The following FMN1 variants were observed in gnomAD, a reference collection of about 807,000 sequenced individuals.
FMN1 encodes the protein formin-1.
In FMN1, 110 loss-of-function variants were observed where a neutral mutation model predicts 132.4. The observed-to-expected ratio is 0.83, with a 90% CI of 0.71 to 0.97. The LOEUF is 0.97. FMN1 is among the 50% of genes least tolerant of loss of function. The probability of loss-of-function intolerance (pLI) is 0.00; values close to 1 mark genes in which losing one functional copy is unlikely to be tolerated. For synonymous variants in FMN1, 722 were observed against 651.7 expected (o/e 1.11, Z -1.64); for missense variants, 1,792 against 1,705.3 (o/e 1.05, Z -0.90).
intron 6 of FMN1, among the ~76,000 whole-genome samples, chr15:33,022,486 T>C (rs1271106946): frequency 1.3e-5 from 2 of 152,226 alleles, no homozygotes; most frequent in Non-Finnish European, 2.9e-5. Context: ...CAATCTGATG[T>C]TACTAAAAAA....
chr15:32,804,270 G>A lies in FMN1; in HGVS notation c.3980+11C>T. 1.9e-6 allele frequency: 3 copies of A among 1,559,558 alleles called. No homozygotes were observed. Among genetic ancestry groups the A allele is most frequent in the Non-Finnish European group, 2.6e-6 (3 of 1,149,214 alleles). On this transcript the variant is annotated intron_variant, in intron 18 of 20. Transcript: ENST00000616417. ...CAAAGAAAGAACTGGGGCCAAATCA[G>A]AGCTGCTTACCTTTTCTGTGCATTC...
intron 10 of FMN1, among the ~76,000 whole-genome samples, chr15:32,913,858 C>A (rs553262638): frequency 5.2e-4 from 79 of 152,240 alleles, no homozygotes; most frequent in African/African-American, 1.9e-3. Flanking sequence ...TACCATACGA[C>A]TCCTGAAGAC....
intron 4 of FMN1, among the ~76,000 whole-genome samples, chr15:33,118,588 G>A (rs749245104): frequency 1.3e-5 from 2 of 152,184 alleles, no homozygotes; most frequent in Non-Finnish European, 2.9e-5. Flanking sequence ...TGACAGGAAT[G>A]AGGGACAGTT....
intron 4 of FMN1, among the ~76,000 whole-genome samples, chr15:33,127,647 C>G (rs946180164): frequency 6.6e-6 from 1 of 152,140 alleles, no homozygotes; most frequent in Non-Finnish European, 1.5e-5. Context: ...AAACTCAGCA[C>G]CATTCCAACT....
intron 6 of FMN1, among the ~76,000 whole-genome samples, chr15:33,014,479 T>C (rs1207774676): frequency 6.6e-6 from 1 of 152,230 alleles, no homozygotes; most frequent in Non-Finnish European, 1.5e-5. Context: ...GGCAGACTCA[T>C]TTGAAGTCAC....
chr15:33,037,233 T>A (rs2036231002), intron 6 of FMN1, among the ~76,000 whole-genome samples: 1 of 152,226 alleles, frequency 6.6e-6, no homozygotes, highest in Admixed American at 6.5e-5. Flanking sequence ...CTGGACGGTT[T>A]TCCAGGTACA....
At chr15:32,827,430 G>A (rs543223329) in intron 17 of FMN1, among the ~76,000 whole-genome samples, 13 of 152,128 alleles carry the variant, frequency 8.5e-5, no homozygotes, top group Admixed American at 6.5e-5. Flanking sequence ...GAATCTTGTC[G>A]TTCTAGATGA....
chr15:32,973,109 G>A (rs926362551), intron 7 of FMN1, among the ~76,000 whole-genome samples: 2 of 152,002 alleles, frequency 1.3e-5, no homozygotes, highest in African/African-American at 4.8e-5. Flanking sequence ...TTGGTTCCAA[G>A]AAGATTTTGA....
At chr15:33,079,027 T>G (rs2038342062) in intron 5 of FMN1, among the ~76,000 whole-genome samples, 1 of 152,148 alleles carries the variant, frequency 6.6e-6, no homozygotes, top group South Asian at 2.1e-4. Context: ...AATAAAGTAT[T>G]TTAGTGGCAA....
intron 10 of FMN1, among the ~76,000 whole-genome samples, chr15:32,911,844 T>C (rs72719313): frequency 0.34 from 51,190 of 151,028 alleles, 8,961 homozygotes; most frequent in African/African-American, 0.37. Context: ...GTGAAACCAG[T>C]AAAGAAAAAT....
At position 32,774,158 on chromosome 15, in the gene FMN1, G is replaced by A; in HGVS notation, c.*152C>T. ...TGAGGGACTTCTTAAAGAAGGCATG[G>A]GGCACTCTCTGCAGATGACCTCAGA... On this transcript the variant is annotated 3_prime_UTR_variant, in exon 21 of 21. Coordinates refer to ENST00000616417, the MANE Select transcript of FMN1 (RefSeq NM_001277313.2). The A allele has an allele frequency of 7.6e-6, 5 of 659,476 alleles. No individual in the cohort carries two copies. The highest frequency in any genetic ancestry group is 7.5e-5 in the South Asian group (4 of 53,208). 40.9% of individuals were successfully genotyped at this position (659,476 alleles called of 1,614,324 possible). A position where few individuals can be genotyped will look rare whatever the true frequency, so the allele number is the denominator to read the frequency against.
rs914915012 is a variant in FMN1, at chr15:33,193,982, G to A, written c.-270C>T. ...GGAACAGAGATGCTGTGGTGGTAGTGGCCTTGGAGGTGGTGGTAGTGGCAA... is the reference window on the plus strand; with the variant it reads ...GGAACAGAGATGCTGTGGTGGTAGTAGCCTTGGAGGTGGTGGTAGTGGCAA... On this transcript the variant is annotated 5_prime_UTR_variant, in exon 2 of 21. Transcript: ENST00000616417. 2 of 152,016 alleles carry A rather than the reference G, an allele frequency of 1.3e-5. No individual in the cohort carries two copies. The highest frequency in any genetic ancestry group is 4.8e-5 in the African/African-American group (2 of 41,332). 9.4% of individuals were successfully genotyped at this position (152,016 alleles called of 1,614,324 possible).
In FMN1 at chr15:33,153,774, G is replaced by A. The variant is rs573382641; in HGVS notation, c.1141C>T (p.His381Tyr). 3 of 1,536,344 alleles carry A rather than the reference G, an allele frequency of 2.0e-6. No individual in the cohort carries two copies. The highest frequency in any genetic ancestry group is 2.0e-5 in the Admixed American group (1 of 51,010). Residue 381 changes from histidine (H) to tyrosine (Y), a missense_variant, in exon 4 of 21, where the codon CAT (histidine) becomes TAT (tyrosine). Around this residue, in one of 3 missense-constraint regions of FMN1, gnomAD observed 638 missense variants for 645.2 expected, o/e 0.99. Transcript: ENST00000616417. ...LTLPGAEAGAHGSRRQGKERQ... is the reference protein window; with the variant it reads ...LTLPGAEAGAYGSRRQGKERQ... ...TCCTTGCCCTGCCGCCTGGAGCCAT[G>A]AGCCCCAGCCTCAGCTCCCGGGAGG...
chr15:32,886,941 T>C (rs2059910213), intron 16 of FMN1, among the ~76,000 whole-genome samples: 1 of 152,088 alleles, frequency 6.6e-6, no homozygotes, highest in South Asian at 2.1e-4. Flanking sequence ...AGTTCACATA[T>C]CGCATTTCTA....
intron 17 of FMN1, among the ~76,000 whole-genome samples, chr15:32,823,156 T>TG (rs1405383337): frequency 1.7e-4 from 11 of 65,790 alleles, no homozygotes; most frequent in Admixed American, 3.1e-4. Flanking sequence ...TCTACTGTTT[T>TG]TTTTTTTTTT....
intron 9 of FMN1, among the ~76,000 whole-genome samples, chr15:32,941,820 A>AT (rs896641893): frequency 5.9e-5 from 9 of 151,462 alleles, no homozygotes; most frequent in South Asian, 4.2e-4. Context: ...CAAGATCACC[A>AT]TTTTTTTTTA....
At chr15:32,934,299 A>C (rs114025855) in intron 9 of FMN1, among the ~76,000 whole-genome samples, 1,989 of 152,236 alleles carry the variant, frequency 0.013, 39 homozygotes, top group African/African-American at 0.046. Flanking sequence ...TTGTGTATCC[A>C]TTAACGTATT....
intron 5 of FMN1, among the ~76,000 whole-genome samples, chr15:33,065,684 T>C (rs927091022): frequency 2.6e-5 from 4 of 152,226 alleles, no homozygotes; most frequent in African/African-American, 9.6e-5. Context: ...CTTTCATTTT[T>C]AACATTTTAA....
intron 7 of FMN1, among the ~76,000 whole-genome samples, chr15:32,987,469 C>T (rs1030187033): frequency 2.6e-5 from 4 of 152,132 alleles, no homozygotes; most frequent in African/African-American, 4.8e-5. Flanking sequence ...ACCTTTCCCC[C>T]GACTGCACAT....
Sources: allele counts gnomAD v4.1 joint callset (sites outside exome capture counted in the v4.1 genomes callset), GRCh38; gene constraint gnomAD v4.1.1; regional missense constraint gnomAD v4.1.1; transcripts MANE v1.5; gene names NCBI Gene and HGNC (gene_info 2026-07-23, HGNC 2026-07-21).